Variants in TG observed in about 807,000 individuals in gnomAD.
TG encodes thyroglobulin, also known as thyroid hormones.
Under a neutral mutation model 324.7 loss-of-function variants are expected in TG, and 270 were observed. The observed-to-expected ratio is 0.83, with a 90% CI of 0.75 to 0.92. The LOEUF (loss-of-function observed/expected upper bound fraction) is 0.92, where lower values mean the gene tolerates loss of function less well. Ranked by LOEUF, TG falls within the 40% of genes least tolerant of loss-of-function variation. TG has a pLI of 0.00. For synonymous variants in TG, 1,401 were observed against 1,327.0 expected (o/e 1.06, Z -1.21); for missense variants, 3,591 against 3,456.4 (o/e 1.04, Z -0.98).
chr8:133,039,951 A>G (rs906994352), intron 41 of TG: 4 of 1,480,102 alleles, frequency 2.7e-6, no homozygotes, highest in South Asian at 2.5e-5. Context: ...GAGCACTTGC[A>G]TGCACACACA....
rs1195814327 is a variant in TG at position 133,019,646 on chromosome 8, G to A, written c.6827G>A (p.Gly2276Glu). 1.2e-6 allele frequency: 2 copies of A among 1,613,884 alleles called. No homozygotes were observed. Among genetic ancestry groups the A allele is most frequent in the Non-Finnish European group, 8.5e-7 (1 of 1,179,864 alleles). Reference sequence around the variant, plus strand: ...GGCACCAGAACATCCACGTCTCCTGGAGTCAGTGAAGATTGTTTGTATCTC... The same window carrying A: ...GGCACCAGAACATCCACGTCTCCTGAAGTCAGTGAAGATTGTTTGTATCTC... ...QPGTRTSTSP[G>E]VSEDCLYLNV... Residue 2276 changes from glycine to glutamate, a missense_variant, in exon 39 of 48, where the codon GGA (glycine) becomes GAA (glutamate). Gly to Glu is a moderately conservative substitution (Grantham distance 98). Coordinates refer to ENST00000220616, the MANE Select transcript of TG (RefSeq NM_003235.5).
Position 132,887,460 on chromosome 8 carries a change from C to T in TG, c.2088C>T (p.Val696=), listed in dbSNP as rs764678951. The T allele has an allele frequency of 1.2e-6, 2 of 1,614,058 alleles. No individual in the cohort carries two copies. Among genetic ancestry groups the T allele is most frequent in the Admixed American group, 1.7e-5 (1 of 59,996 alleles). Residue 696 remains valine, a synonymous_variant, in exon 9 of 48, where the codon GTC becomes GTT. Coordinates refer to ENST00000220616, the MANE Select transcript of TG (RefSeq NM_003235.5). ...CTAGTGAGGGACATTTCCTGCCTGT[C>T]CAGTGCTTCAACTCAGAGTGCTACT... ...ACTSEGHFLP[V]QCFNSECYCV...
intron 26 of TG, among the ~76,000 whole-genome samples, chr8:132,946,900 A>G (rs935781084): frequency 1.3e-5 from 2 of 152,184 alleles, no homozygotes; most frequent in Admixed American, 6.5e-5. Context: ...GGAAAGCTGC[A>G]TGGGTTTCTC....
chr8:133,027,180 C>G (rs1037797801), intron 40 of TG, among the ~76,000 whole-genome samples: 1 of 152,280 alleles, frequency 6.6e-6, no homozygotes, highest in Middle Eastern at 3.4e-3. Flanking sequence ...TCTATCAGAT[C>G]GTTGAAGAGA....
At chr8:132,897,811 G>C (rs762007578) in intron 12 of TG, 25 bp downstream of exon 12, 8 of 1,613,706 alleles carry the variant, frequency 5.0e-6, no homozygotes, top group Non-Finnish European at 6.8e-6. Context: ...GCACCTTCAG[G>C]TGGCCAAGTG....
chr8:132,868,450 A>C (rs1839176963), intron 2 of TG, among the ~76,000 whole-genome samples: 1 of 151,818 alleles, frequency 6.6e-6, no homozygotes, highest in South Asian at 2.1e-4. Flanking sequence ...AGTGAACCCC[A>C]ATCCATGCTT....
chr8:132,890,367 C>T (rs559218384), intron 10 of TG, among the ~76,000 whole-genome samples: 1 of 152,064 alleles, frequency 6.6e-6, no homozygotes, highest in South Asian at 2.1e-4. Flanking sequence ...GGTGCATATT[C>T]AAACTCTTTT....
At chr8:133,092,744 C>G (rs1400822446) in intron 41 of TG, among the ~76,000 whole-genome samples, 1 of 152,168 alleles carries the variant, frequency 6.6e-6, no homozygotes, top group Non-Finnish European at 1.5e-5. Context: ...ACAGCAACTC[C>G]CCTCCTGCCC....
chr8:133,082,752 T>A (rs1312991602), intron 41 of TG, among the ~76,000 whole-genome samples: 1 of 152,260 alleles, frequency 6.6e-6, no homozygotes, highest in East Asian at 1.9e-4. Flanking sequence ...GTAACAGCAT[T>A]ATGATGACTT....
chr8:133,113,764 G>A, intron 44 of TG, 161 bp downstream of exon 44: 1 of 849,834 alleles, frequency 1.2e-6, no homozygotes. Flanking sequence ...TGTCCCTGCT[G>A]AGGGGAAGCC....
intron 41 of TG, among the ~76,000 whole-genome samples, chr8:133,038,979 G>C (rs1053773291): frequency 2.0e-5 from 3 of 152,156 alleles, no homozygotes; most frequent in African/African-American, 7.2e-5. Context: ...CCAGGCTCAA[G>C]CGATTCTCCC....
chr8:132,885,560 A>G (rs1217027060), intron 8 of TG, among the ~76,000 whole-genome samples: 1 of 152,154 alleles, frequency 6.6e-6, no homozygotes, highest in Admixed American at 6.5e-5. Context: ...GACTACTCCC[A>G]AGGAGGAATT....
At chr8:133,007,520 G>A (rs1834128081) in intron 35 of TG, among the ~76,000 whole-genome samples, 1 of 152,038 alleles carries the variant, frequency 6.6e-6, no homozygotes, top group Admixed American at 6.6e-5. Context: ...TTTTAGTGGA[G>A]GTAGGTTTTT....
At position 132,972,605 on chromosome 8, in the gene TG, G is replaced by A. The variant is rs2130554085; in HGVS notation, c.6063G>A (p.Glu2021=). 1 of 1,607,030 alleles carries A rather than the reference G, an allele frequency of 6.2e-7. No homozygotes were observed. The highest frequency in any genetic ancestry group is 8.5e-7 in the Non-Finnish European group (1 of 1,177,314). The change falls in exon 34 of 48, where the codon GAG becomes GAA. Residue 2021 remains glutamate, a synonymous_variant. Transcript: ENST00000220616. ...FLNVSQLKGG[E]VTCLTLNSLG... ...TTTTTTTTTCCACCCCAGGAGGAGA[G>A]GTGACATGTCTCACTCTGAACAGCT...
In TG at chr8:133,082,367, G is replaced by A. The variant is rs76775730; in HGVS notation, c.7240-12677G>A. Among the ~76,000 whole-genome samples, 248 of 152,302 alleles carry A rather than the reference G, an allele frequency of 1.6e-3. 2 individuals carry two copies. The highest frequency in any genetic ancestry group is 5.7e-3 in the African/African-American group (238 of 41,552). ...GGAAAGACGGAGGAAAAGAAGGGACGGAGGGCAGGAGAGACAGGGAGCAAG... is the reference window on the plus strand; with the variant it reads ...GGAAAGACGGAGGAAAAGAAGGGACAGAGGGCAGGAGAGACAGGGAGCAAG... On this transcript the variant is annotated intron_variant, in intron 41 of 47. Coordinates refer to ENST00000220616, the MANE Select transcript of TG (RefSeq NM_003235.5).
At chr8:132,931,961 G>A (rs1193520671) in intron 23 of TG, among the ~76,000 whole-genome samples, 2 of 152,104 alleles carry the variant, frequency 1.3e-5, no homozygotes, top group African/African-American at 2.4e-5. Context: ...AGGCGTGATG[G>A]TGCGTACCTG....
At chr8:132,994,919 A>G (rs1341934955) in intron 35 of TG, 1 of 1,136,270 alleles carries the variant, frequency 8.8e-7, no homozygotes, top group Non-Finnish European at 1.1e-6. Context: ...GAGTATTCAA[A>G]TATGTTGAAG....
At chr8:132,889,297 A>T (rs1815885207) in intron 10 of TG, among the ~76,000 whole-genome samples, 1 of 152,214 alleles carries the variant, frequency 6.6e-6, no homozygotes, top group African/African-American at 2.4e-5. Flanking sequence ...GCCATTGCTA[A>T]TATTATAGGT....
intron 32 of TG, among the ~76,000 whole-genome samples, chr8:132,970,713 C>T (rs776253330): frequency 6.6e-6 from 1 of 152,070 alleles, no homozygotes; most frequent in Non-Finnish European, 1.5e-5. Flanking sequence ...TCAGCCTGAC[C>T]GCGGAGCTGT....
Sources: gnomAD v4.1 joint callset for allele counts (sites outside exome capture counted in the v4.1 genomes callset) on GRCh38, gnomAD v4.1.1 for gene constraint, MANE v1.5 for transcripts, NCBI Gene and HGNC (gene_info 2026-07-23, HGNC 2026-07-21) for gene names.